The following IQSEC2 variants were observed in gnomAD, a reference collection of about 807,000 sequenced individuals.
IQSEC2 encodes the protein IQ motif and SEC7 domain-containing protein 2.
IQSEC2 carries 6 observed loss-of-function variants against 74.6 expected under a neutral mutation model. The ratio of observed to expected loss-of-function variants is 0.08; its 90% CI spans 0.04 to 0.16. The LOEUF (loss-of-function observed/expected upper bound fraction) is 0.16. Ranked by LOEUF, IQSEC2 falls within the 10% of genes least tolerant of loss-of-function variation. The probability of loss-of-function intolerance (pLI) is 1.00; values close to 1 mark genes in which losing one functional copy is unlikely to be tolerated. For missense variants in IQSEC2, 734 were observed against 1,306.2 expected, an observed-to-expected ratio of 0.56 and a Z score of 6.75; for synonymous variants, 494 against 544.5, an observed-to-expected ratio of 0.91 and a Z score of 1.29.
intron 2 of IQSEC2, among the ~76,000 whole-genome samples, chrX:53,285,537 T>C (rs1438554901): frequency 1.8e-5 from 2 of 112,394 alleles, no homozygotes; most frequent in Non-Finnish European, 3.8e-5. Flanking sequence ...TCTCCAGTGC[T>C]CTGTAATAGT....
At chrX:53,290,399 G>T (rs782392753) in intron 2 of IQSEC2, among the ~76,000 whole-genome samples, 1 of 112,301 alleles carries the variant, frequency 8.9e-6, no homozygotes, top group Admixed American at 9.4e-5. Flanking sequence ...GGGAAGAGCT[G>T]AGAACTAGAG....
At chrX:53,235,965 A>G in intron 13 of IQSEC2, 133 bp from the exon 14 acceptor site, 3 of 602,132 alleles carry the variant, frequency 5.0e-6, no homozygotes, top group Non-Finnish European at 7.7e-6. Flanking sequence ...CCCATTGAAG[A>G]GGGGGAGGCG....
At chrX:53,289,126 G>A (rs1049324158) in intron 2 of IQSEC2, among the ~76,000 whole-genome samples, 6 of 97,502 alleles carry the variant, frequency 6.2e-5, no homozygotes, top group African/African-American at 1.7e-4. Context: ...CAGGCCTAGC[G>A]CCTCTCCTCG....
Position 53,251,084 on chromosome X carries a change from T to G in IQSEC2, c.1492A>C (p.Lys498Gln). 1 of 1,211,332 alleles carries G rather than the reference T, an allele frequency of 8.3e-7. No individual in the cohort carries two copies. The highest frequency in any genetic ancestry group is 1.1e-6 in the Non-Finnish European group (1 of 895,341). The change falls in exon 5 of 15, where the codon AAG becomes CAG. Residue 498 changes from lysine (K) to glutamine (Q), a missense_variant. Around this residue, in one of 12 missense-constraint regions of IQSEC2, gnomAD observed 204 missense variants for 305.4 expected, o/e 0.67. Coordinates refer to ENST00000642864, the MANE Select transcript of IQSEC2 (RefSeq NM_001111125.3). ...SEEPGSAQLE[K>Q]RESKEQQEDS... ...TCTTGCTGTTCCTTTGACTCCCGCT[T>G]CTCCAGCTGGGCTGACCCTGGCTCC...
chrX:53,291,173 C>T (rs782748577), intron 2 of IQSEC2, among the ~76,000 whole-genome samples: 1 of 110,233 alleles, frequency 9.1e-6, no homozygotes, highest in South Asian at 3.9e-4. Context: ...ACACCTCTGC[C>T]TTCATGAAGC....
rs782275716 is a variant in IQSEC2, at chrX:53,315,916, C to T, written c.707+4501G>A. Among the ~76,000 whole-genome samples, 12 of 111,605 alleles carry T rather than the reference C, an allele frequency of 1.1e-4. No individual in the cohort carries two copies. The East Asian group carries it at 2.0e-3, about 19-fold the overall frequency. On this transcript the variant is annotated intron_variant, in intron 1 of 14. Transcript: ENST00000642864. Reference sequence around the variant, plus strand: ...TCTGACGTCTTCCTCCCAGCTGCCACCTCCATGAAGGGACCACTCACATTC... The same window carrying T: ...TCTGACGTCTTCCTCCCAGCTGCCATCTCCATGAAGGGACCACTCACATTC...
downstream of IQSEC2, among the ~76,000 whole-genome samples, chrX:53,232,580 G>A (rs2074070049): frequency 8.9e-6 from 1 of 111,942 alleles, no homozygotes; most frequent in Admixed American, 9.4e-5. Context: ...TTACACTGAG[G>A]AAACTGAGAC....
chrX:53,295,600 T>C (rs1472516615), intron 1 of IQSEC2, among the ~76,000 whole-genome samples: 2 of 36,492 alleles, frequency 5.5e-5, no homozygotes, highest in African/African-American at 1.7e-4. Flanking sequence ...TGAGACTCCG[T>C]CTCAAAAAAA....
Position 53,250,678 on chromosome X carries a change from T to G in IQSEC2, c.1898A>C (p.Lys633Thr). 1.7e-6 allele frequency: 2 copies of G among 1,210,821 alleles called. No individual in the cohort carries two copies. The highest frequency in any genetic ancestry group is 2.2e-6 in the Non-Finnish European group (2 of 895,127). The change falls in exon 5 of 15, where the codon AAG becomes ACG. Residue 633 changes from lysine (K) to threonine (T), a missense_variant. Lys to Thr is a moderately conservative substitution (Grantham distance 78). Coordinates refer to ENST00000642864, the MANE Select transcript of IQSEC2 (RefSeq NM_001111125.3). ...GGCCCTGCCTGGTGGCCCCTTGTGC[T>G]TCAGGGTCCCATGGGGGCTGCAGCC... The part of the protein sequence containing the change: ...ADGCSPHGTL[K>T]HKGPPGRAPI...
intron 8 of IQSEC2, 53 bp from the exon 9 acceptor site, chrX:53,243,524 G>A: frequency 8.9e-7 from 1 of 1,118,999 alleles, no homozygotes; most frequent in East Asian, 3.3e-5. Flanking sequence ...GCACTGGGTG[G>A]TAGGGGTGCT....
In IQSEC2 at chrX:53,241,677, G is replaced by A. The variant is rs916056705; in HGVS notation, c.3015+107C>T. Reference sequence around the variant, plus strand: ...TGCAGATGGCATGGCAGAACACCTCGCCCGCCACACTCCACACACCACACA... The same window carrying A: ...TGCAGATGGCATGGCAGAACACCTCACCCGCCACACTCCACACACCACACA... On this transcript the variant is annotated intron_variant, in intron 10 of 14. Coordinates refer to ENST00000642864, the MANE Select transcript of IQSEC2 (RefSeq NM_001111125.3). 23 of 1,079,304 alleles carry A rather than the reference G, an allele frequency of 2.1e-5. No homozygotes were observed. The African/African-American group carries it at 2.7e-4, about 13-fold the overall frequency. 88.9% of individuals were successfully genotyped at this position (1,079,304 alleles called of 1,213,427 possible). A position where few individuals can be genotyped will look rare whatever the true frequency, so the allele number is the denominator to read the frequency against.
At chrX:53,295,376 G>A (rs782462229) in intron 1 of IQSEC2, among the ~76,000 whole-genome samples, 5 of 110,654 alleles carry the variant, frequency 4.5e-5, no homozygotes, top group South Asian at 3.9e-4. Context: ...AGGCCGAGGC[G>A]GGCAGATCAC....
intron 2 of IQSEC2, chrX:53,281,696 A>T (rs2074967211): frequency 3.9e-6 from 2 of 511,619 alleles, no homozygotes; most frequent in Non-Finnish European, 5.9e-6. Context: ...CTACTCCTCC[A>T]GGAGGGCTGG....
chrX:53,281,680 CT>C (rs2074966878), intron 2 of IQSEC2: 2 of 571,896 alleles, frequency 3.5e-6, no homozygotes, highest in Admixed American at 8.6e-5. Context: ...AACTTTGCTC[CT>C]TCCCCTACTC....
chrX:53,301,603 G>A (rs888820960), intron 1 of IQSEC2, among the ~76,000 whole-genome samples: 2 of 112,101 alleles, frequency 1.8e-5, no homozygotes, highest in African/African-American at 6.5e-5. Flanking sequence ...ACCAAGGAGC[G>A]GCCTAAGGGG....
intron 2 of IQSEC2, among the ~76,000 whole-genome samples, chrX:53,276,991 A>G (rs1308559401): frequency 9.0e-6 from 1 of 111,654 alleles, no homozygotes; most frequent in East Asian, 2.8e-4. Context: ...TATTGAAAAT[A>G]GTTGTTGCTC....
intron 1 of IQSEC2, among the ~76,000 whole-genome samples, chrX:53,315,775 C>T (rs1167149016): frequency 7.1e-5 from 8 of 112,130 alleles, no homozygotes; most frequent in East Asian, 2.8e-4. Flanking sequence ...GAGACTCACT[C>T]GGTACACGTG....
chrX:53,230,940 A>C (rs2074061886), downstream of IQSEC2: 1 of 112,197 alleles, frequency 8.9e-6, no homozygotes, highest in African/African-American at 3.2e-5. Flanking sequence ...CTGGAGGAGA[A>C]GAACGTAGGA....
chrX:53,297,790 A>G (rs2075168214), intron 1 of IQSEC2, among the ~76,000 whole-genome samples: 1 of 111,328 alleles, frequency 9.0e-6, no homozygotes, highest in Non-Finnish European at 1.9e-5. Flanking sequence ...TCCTGCTGCA[A>G]TCTAGGCTGG....
Sources: gnomAD v4.1 joint callset for allele counts (sites outside exome capture counted in the v4.1 genomes callset) on GRCh38, gnomAD v4.1.1 for gene constraint, gnomAD v4.1.1 regional missense constraint, MANE v1.5 for transcripts, NCBI Gene and HGNC (gene_info 2026-07-23, HGNC 2026-07-21) for gene names.